The following RGS6 variants were observed in gnomAD, a reference collection of about 807,000 sequenced individuals.
The protein encoded by RGS6 is regulator of G protein signaling 6.
In RGS6, 30 loss-of-function variants were observed where a neutral mutation model predicts 78.5. The observed-to-expected ratio is 0.38, with a 90% confidence interval of 0.29 to 0.52. The LOEUF is 0.52. Ranked by LOEUF, RGS6 falls within the 20% of genes least tolerant of loss-of-function variation. The pLI, the probability that RGS6 is intolerant of heterozygous loss-of-function variation, is 0.85. For missense variants in RGS6, 495 were observed against 609.7 expected (o/e 0.81, Z 1.98); for synonymous variants, 206 against 206.0 (o/e 1.00, Z 0.00).
At chr14:72,045,834 T>C (rs1350950669) in intron 2 of RGS6, among the ~76,000 whole-genome samples, 1 of 152,074 alleles carries the variant, frequency 6.6e-6, no homozygotes, top group Non-Finnish European at 1.5e-5. Flanking sequence ...AGAGTAGGCC[T>C]TTATTTTTGA....
chr14:72,208,497 C>T (rs947492973), intron 2 of RGS6, among the ~76,000 whole-genome samples: 4 of 152,218 alleles, frequency 2.6e-5, no homozygotes, highest in Non-Finnish European at 5.9e-5. Context: ...CCATGTCTTA[C>T]CAACATCATA....
intron 15 of RGS6, among the ~76,000 whole-genome samples, chr14:72,523,392 G>T (rs1435925485): frequency 6.6e-6 from 1 of 152,120 alleles, no homozygotes; most frequent in African/African-American, 2.4e-5. Flanking sequence ...TGGGGCTCAG[G>T]GGCTCTGGGT....
chr14:72,000,933 A>G (rs1035584740), intron 2 of RGS6, among the ~76,000 whole-genome samples: 3 of 152,246 alleles, frequency 2.0e-5, no homozygotes, highest in Non-Finnish European at 4.4e-5. Flanking sequence ...CTTCAGTGCC[A>G]GAAGACCACA....
At chr14:72,452,366 C>T (rs774852075) in intron 3 of RGS6, among the ~76,000 whole-genome samples, 5 of 152,014 alleles carry the variant, frequency 3.3e-5, no homozygotes, top group African/African-American at 7.3e-5. Flanking sequence ...GAGGTTGGCG[C>T]GGGGAAACTG....
chr14:72,382,261 A>G (rs1328340773), intron 3 of RGS6, among the ~76,000 whole-genome samples: 2 of 152,152 alleles, frequency 1.3e-5, no homozygotes, highest in East Asian at 1.9e-4. Flanking sequence ...ACAACAAACA[A>G]TGCCATAGAA....
chr14:72,537,671 T>C (rs1264429730), intron 16 of RGS6: 3 of 641,470 alleles, frequency 4.7e-6, no homozygotes, highest in South Asian at 1.7e-5. Context: ...AGAAAAATTA[T>C]AGGAACTTTT....
At chr14:72,313,491 T>C (rs73304959) in intron 2 of RGS6, among the ~76,000 whole-genome samples, 7,748 of 152,264 alleles carry the variant, frequency 0.051, 589 homozygotes, top group African/African-American at 0.18. Context: ...CTTAAATCCC[T>C]GGGAGGGGGG....
chr14:72,488,238 G>A (rs760068227), intron 12 of RGS6, among the ~76,000 whole-genome samples: 1 of 152,228 alleles, frequency 6.6e-6, no homozygotes, highest in Non-Finnish European at 1.5e-5. Context: ...GGTTCAGGTT[G>A]TCAGGACTTT....
chr14:72,174,422 G>A (rs987284065), intron 2 of RGS6, among the ~76,000 whole-genome samples: 8 of 152,196 alleles, frequency 5.3e-5, no homozygotes, highest in Non-Finnish European at 1.2e-4. Flanking sequence ...TGAACCAAAG[G>A]CAGCTCTTGG....
At chr14:71,986,504 C>A (rs1225356430) in intron 2 of RGS6, among the ~76,000 whole-genome samples, 9 of 151,752 alleles carry the variant, frequency 5.9e-5, no homozygotes, top group Admixed American at 5.9e-4. Context: ...AGTTCAAGAC[C>A]AGCCTGGCCA....
chr14:72,398,352 G>A (rs2091816434), intron 3 of RGS6, among the ~76,000 whole-genome samples: 1 of 151,604 alleles, frequency 6.6e-6, no homozygotes, highest in Non-Finnish European at 1.5e-5. Context: ...GGTGTTTATA[G>A]TATTCTCTGA....
At chr14:72,611,577 T>G in the RGS6 span, among the ~76,000 whole-genome samples, 2 of 152,096 alleles carry the variant, frequency 1.3e-5, no homozygotes. Flanking sequence ...GGTCATTTTC[T>G]GCCTCTGATC....
chr14:72,310,537 T>C (rs2068346435), intron 2 of RGS6, among the ~76,000 whole-genome samples: 1 of 152,224 alleles, frequency 6.6e-6, no homozygotes, highest in African/African-American at 2.4e-5. Flanking sequence ...GGGAAAAGCG[T>C]TGGAAGAAAA....
At chr14:72,077,815 A>G (rs1299709080) in intron 2 of RGS6, among the ~76,000 whole-genome samples, 2 of 152,228 alleles carry the variant, frequency 1.3e-5, no homozygotes, top group Admixed American at 6.5e-5. Flanking sequence ...GGGTATTAGT[A>G]TTTAGAGTGC....
intron 1 of RGS6, among the ~76,000 whole-genome samples, chr14:71,949,684 CTCTT>C (rs1379253477): frequency 6.6e-5 from 10 of 151,658 alleles, no homozygotes; most frequent in Non-Finnish European, 1.2e-4. Context: ...ACTTATCAGT[CTCTT>C]TCTTTATGGT....
At chr14:71,937,540 C>T (rs373445491) in intron 1 of RGS6, among the ~76,000 whole-genome samples, 104 of 152,294 alleles carry the variant, frequency 6.8e-4, no homozygotes, top group African/African-American at 2.2e-3. Context: ...GTAATTGTGA[C>T]TTCGAAAGGC....
chr14:72,289,008 G>A (rs982357819), intron 2 of RGS6, among the ~76,000 whole-genome samples: 10 of 152,242 alleles, frequency 6.6e-5, no homozygotes, highest in Middle Eastern at 3.4e-3. Context: ...GCAGAGCCAC[G>A]AAACCCAAAT....
At position 72,335,214 on chromosome 14, in the gene RGS6, G is replaced by A. The variant is rs371870160; in HGVS notation, c.85-16881G>A. Reference sequence around the variant, plus strand: ...TCTTTTGTAAATTATCCAGTCTCAGGTAGGTCTTTCTTAGCAGCGTGAGAA... The same window carrying A: ...TCTTTTGTAAATTATCCAGTCTCAGATAGGTCTTTCTTAGCAGCGTGAGAA... On this transcript the variant is annotated intron_variant, in intron 2 of 17. Coordinates refer to ENST00000553525, the MANE Select transcript of RGS6 (RefSeq NM_001204424.2). Among the ~76,000 whole-genome samples, 64 of 152,224 alleles carry A rather than the reference G, an allele frequency of 4.2e-4. 2 individuals carry two copies. The South Asian group carries it at 0.013, about 31-fold the overall frequency.
the RGS6 span, among the ~76,000 whole-genome samples, chr14:72,587,982 C>G: frequency 6.6e-6 from 1 of 152,198 alleles, no homozygotes; most frequent in Non-Finnish European, 1.5e-5. Flanking sequence ...CTTGGGGAGG[C>G]TCCAGAACCT....
Sources: allele counts gnomAD v4.1 joint callset (sites outside exome capture counted in the v4.1 genomes callset), GRCh38; gene constraint gnomAD v4.1.1; transcripts MANE v1.5; gene names NCBI Gene and HGNC (gene_info 2026-07-23, HGNC 2026-07-21).